The following WDFY2 variants were observed in gnomAD, a reference collection of about 807,000 sequenced individuals.
WDFY2 encodes the protein WD repeat and FYVE domain-containing protein 2.
In WDFY2, 36 loss-of-function variants were observed where a neutral mutation model predicts 56.4. The ratio of observed to expected loss-of-function variants is 0.64; its 90% confidence interval spans 0.49 to 0.84. The LOEUF is 0.84. Among genes scored for constraint, WDFY2 ranks in the 40% least tolerant of loss-of-function variants. The probability of loss-of-function intolerance (pLI) is 0.00; values close to 1 mark genes in which losing one functional copy is unlikely to be tolerated. For missense variants in WDFY2, 444 were observed against 512.2 expected (o/e 0.87, Z 1.29); for synonymous variants, 176 against 183.7 (o/e 0.96, Z 0.34).
intron 7 of WDFY2, among the ~76,000 whole-genome samples, chr13:51,748,170 T>C (rs1381508430): frequency 6.6e-6 from 1 of 152,138 alleles, no homozygotes; most frequent in African/African-American, 2.4e-5. Context: ...CTCCCCCGAC[T>C]GCCAAAACTG....
chr13:51,764,858 T>A lies in WDFY2; in HGVS notation c.*5089T>A, dbSNP rs1208567930. 5 of 152,250 alleles carry A rather than the reference T, an allele frequency of 3.3e-5. No individual in the cohort carries two copies. The highest frequency in any genetic ancestry group is 3.3e-4 in the Admixed American group (5 of 15,276). The allele number at this position is 152,250 out of a possible 1,614,324, so 9.4% of individuals were successfully genotyped here. On this transcript the variant is annotated 3_prime_UTR_variant, in exon 12 of 12. Coordinates refer to ENST00000298125, the MANE Select transcript of WDFY2 (RefSeq NM_052950.4). ...GACTCCCAGACTAACGCCAAAGGTGTGTTGGGCTCAGCTGCTCCACTGTGG... is the reference window on the plus strand; with the variant it reads ...GACTCCCAGACTAACGCCAAAGGTGAGTTGGGCTCAGCTGCTCCACTGTGG...
At chr13:51,637,906 T>C (rs1955083184) in intron 1 of WDFY2, among the ~76,000 whole-genome samples, 3 of 152,230 alleles carry the variant, frequency 2.0e-5, no homozygotes, top group Admixed American at 2.0e-4. Flanking sequence ...CACTCCCAAG[T>C]CTGGGTCTGT....
chr13:51,721,149 A>T (rs1381274116), intron 5 of WDFY2, among the ~76,000 whole-genome samples: 3 of 152,122 alleles, frequency 2.0e-5, no homozygotes, highest in African/African-American at 7.2e-5. Context: ...AGTCTACACT[A>T]CCCTCATTTT....
intron 1 of WDFY2, chr13:51,589,603 C>T (rs537046430): frequency 4.6e-5 from 7 of 152,076 alleles, no homozygotes; most frequent in African/African-American, 1.7e-4. Flanking sequence ...TTTTATGTAC[C>T]ATGTATTTTA....
At chr13:51,680,935 T>C (rs1955967044) in intron 3 of WDFY2, among the ~76,000 whole-genome samples, 1 of 152,190 alleles carries the variant, frequency 6.6e-6, no homozygotes, top group Non-Finnish European at 1.5e-5. Context: ...CACTAGTGAA[T>C]TAGGAAGGAG....
At chr13:51,736,529 G>A (rs939530092) in intron 6 of WDFY2, among the ~76,000 whole-genome samples, 4 of 152,220 alleles carry the variant, frequency 2.6e-5, no homozygotes, top group Non-Finnish European at 5.9e-5. Flanking sequence ...GTCTCACTCT[G>A]TTGCCCAGGC....
chr13:51,632,333 T>C (rs1319342290), intron 1 of WDFY2, among the ~76,000 whole-genome samples: 2 of 152,170 alleles, frequency 1.3e-5, no homozygotes, highest in African/African-American at 4.8e-5. Context: ...AAAACTCATT[T>C]TGAGTTCTGT....
chr13:51,665,678 C>G (rs1170896289), intron 2 of WDFY2, among the ~76,000 whole-genome samples: 1 of 152,122 alleles, frequency 6.6e-6, no homozygotes, highest in African/African-American at 2.4e-5. Context: ...GCCAACTTCT[C>G]CCTGGGTATG....
chr13:51,591,770 T>C (rs1954048477), intron 1 of WDFY2: 2 of 152,218 alleles, frequency 1.3e-5, no homozygotes, highest in Admixed American at 1.3e-4. Context: ...TACCTTCTTT[T>C]TCTCCCGTTA....
chr13:51,660,589 G>T lies in WDFY2; in HGVS notation c.138-7G>T. 1 of 1,613,232 alleles carries T rather than the reference G, an allele frequency of 6.2e-7. No individual in the cohort carries two copies. The highest frequency in any genetic ancestry group is 8.5e-7 in the Non-Finnish European group (1 of 1,179,382). On this transcript the variant is annotated splice_region_variant and splice_polypyrimidine_tract_variant and intron_variant, in intron 1 of 11. Transcript: ENST00000298125. ...TGATTTCATGTACATATTTTCTTCT[G>T]TTGTAGGACAGTTCGTGTTTGGTTA...
In WDFY2 at chr13:51,765,854, C is replaced by T. The variant is rs1348021787; in HGVS notation, c.*6085C>T. On this transcript the variant is annotated 3_prime_UTR_variant, in exon 12 of 12. Transcript: ENST00000298125. ...GTACCATCTCATTAAAAATAGATACCTCAAAATGTTTACCTTTACAAGTCA... is the reference window on the plus strand; with the variant it reads ...GTACCATCTCATTAAAAATAGATACTTCAAAATGTTTACCTTTACAAGTCA... 6.6e-6 allele frequency: 1 copy of T among 152,088 alleles called. No individual in the cohort carries two copies. Among genetic ancestry groups the T allele is most frequent in the East Asian group, 1.9e-4 (1 of 5,192 alleles). 9.4% of individuals were successfully genotyped at this position (152,088 alleles called of 1,614,324 possible).
chr13:51,603,401 C>T (rs1049931521), intron 1 of WDFY2, among the ~76,000 whole-genome samples: 3 of 152,178 alleles, frequency 2.0e-5, no homozygotes, highest in Non-Finnish European at 4.4e-5. Context: ...GGGTTGTGTG[C>T]TTCCAGCTGT....
At chr13:51,722,589 A>G (rs910163729) in intron 5 of WDFY2, among the ~76,000 whole-genome samples, 4 of 152,210 alleles carry the variant, frequency 2.6e-5, no homozygotes, top group African/African-American at 9.6e-5. Flanking sequence ...GTTCACTGTC[A>G]AAACAATAAT....
At position 51,759,967 on chromosome 13, in the gene WDFY2, A is replaced by G. The variant is rs987911070; in HGVS notation, c.*198A>G. ...GCAAGGGGACTCTTCCAACTTGTTC[A>G]TACAATATAAAAGAAGCTATTTTTT... On this transcript the variant is annotated 3_prime_UTR_variant, in exon 12 of 12. Coordinates refer to ENST00000298125, the MANE Select transcript of WDFY2 (RefSeq NM_052950.4). 1.3e-5 allele frequency: 7 copies of G among 534,906 alleles called. No individual in the cohort carries two copies. The highest frequency in any genetic ancestry group is 2.4e-5 in the Non-Finnish European group (7 of 295,688). 33.1% of individuals were successfully genotyped at this position (534,906 alleles called of 1,614,324 possible). A position where few individuals can be genotyped will look rare whatever the true frequency, so the allele number is the denominator to read the frequency against.
intron 1 of WDFY2, among the ~76,000 whole-genome samples, chr13:51,616,089 T>C (rs1954606292): frequency 6.6e-6 from 1 of 152,130 alleles, no homozygotes; most frequent in African/African-American, 2.4e-5. Flanking sequence ...ATAAAGACAT[T>C]AGTCGAGCTC....
intron 3 of WDFY2, among the ~76,000 whole-genome samples, chr13:51,676,768 C>T (rs1279921395): frequency 2.6e-5 from 4 of 152,052 alleles, no homozygotes; most frequent in Non-Finnish European, 5.9e-5. Context: ...AAGTTGTCTA[C>T]TTTGAGGAGA....
chr13:51,671,606 A>C (rs1239503458), intron 2 of WDFY2, among the ~76,000 whole-genome samples: 1 of 150,182 alleles, frequency 6.7e-6, no homozygotes, highest in Non-Finnish European at 1.5e-5. Context: ...TAGATTCTGC[A>C]TATTAGTCCT....
rs1323613979 is a variant in WDFY2 at position 51,755,404 on chromosome 13, C to A, written c.878C>A (p.Pro293His). The A allele has an allele frequency of 1.9e-6, 3 of 1,614,198 alleles. No homozygotes were observed. The highest frequency in any genetic ancestry group is 2.5e-6 in the Non-Finnish European group (3 of 1,180,044). Residue 293 changes from proline to histidine, a missense_variant, in exon 9 of 12, where the codon CCT becomes CAT. Physicochemically the swap from Pro to His is moderately conservative, Grantham distance 77. Coordinates refer to ENST00000298125, the MANE Select transcript of WDFY2 (RefSeq NM_052950.4). ...DSDSCQKCDQPFFWNFKQMWD... is the reference protein window; with the variant it reads ...DSDSCQKCDQHFFWNFKQMWD... ...GATTCCTGCCAAAAGTGTGATCAGCCTTTCTTCTGGAACTTCAAGCAAATG... is the reference window on the plus strand; with the variant it reads ...GATTCCTGCCAAAAGTGTGATCAGCATTTCTTCTGGAACTTCAAGCAAATG...
chr13:51,661,814 A>G (rs996772470), intron 2 of WDFY2, among the ~76,000 whole-genome samples: 2 of 152,186 alleles, frequency 1.3e-5, no homozygotes, highest in Non-Finnish European at 2.9e-5. Context: ...TCCGAATGCT[A>G]TATCCTTCCT....
Sources: gnomAD v4.1 joint callset for allele counts (sites outside exome capture counted in the v4.1 genomes callset) on GRCh38, gnomAD v4.1.1 for gene constraint, MANE v1.5 for transcripts, NCBI Gene and HGNC (gene_info 2026-07-23, HGNC 2026-07-21) for gene names.